VGF: variants seen among roughly 807,000 people sequenced by gnomAD.
VGF encodes VGF nerve growth factor inducible.
In VGF, 13 loss-of-function variants were observed where a neutral mutation model predicts 41.1. That is an observed-to-expected ratio of 0.32 (90% CI 0.21 to 0.50). The LOEUF (loss-of-function observed/expected upper bound fraction) is 0.50, where lower values mean the gene tolerates loss of function less well. VGF is among the 20% of genes least tolerant of loss of function. VGF has a pLI of 0.98. For missense variants in VGF, 920 were observed against 882.1 expected (o/e 1.04, Z -0.54); for synonymous variants, 473 against 418.3 (o/e 1.13, Z -1.60).
chr7:101,166,003 G>T (rs577817698), upstream of VGF, among the ~76,000 whole-genome samples: 1 of 152,336 alleles, frequency 6.6e-6, no homozygotes, highest in Non-Finnish European at 1.5e-5. Context: ...AAAAAGGGTA[G>T]TCCCAGCGTC....
In VGF at chr7:101,163,239, G is replaced by A. The variant is rs921592335; in HGVS notation, c.1605C>T (p.Asp535=). 6.6e-7 allele frequency: 1 copy of A among 1,526,244 alleles called. No individual in the cohort carries two copies. Among genetic ancestry groups the A allele is most frequent in the African/African-American group, 1.4e-5 (1 of 70,194 alleles). The allele number at this position is 1,526,244 out of a possible 1,614,324, so 94.5% of individuals were successfully genotyped here. A position where few individuals can be genotyped will look rare whatever the true frequency, so the allele number is the denominator to read the frequency against. Residue 535 remains aspartate, a synonymous_variant, in exon 2 of 2, where the codon GAC becomes GAT. Coordinates refer to ENST00000249330, the MANE Select transcript of VGF (RefSeq NM_003378.4). This position sits in a 1 kb window ranked among gnomAD's most constrained non-coding sequence, Gnocchi z 5.0. ...EVLPPWDREE[D]EVYPPGPYHP... Reference sequence around the variant, plus strand: ...GGTACGGCCCTGGCGGGTACACCTCGTCCTCCTCCCGATCCCAGGGCGGGA... The same window carrying A: ...GGTACGGCCCTGGCGGGTACACCTCATCCTCCTCCCGATCCCAGGGCGGGA...
upstream of VGF, among the ~76,000 whole-genome samples, chr7:101,166,119 G>A (rs560225336): frequency 1.2e-4 from 19 of 152,360 alleles, no homozygotes; most frequent in East Asian, 2.9e-3. Flanking sequence ...GCCCAAGGAC[G>A]GCGTGAACCT....
At chr7:101,168,006 G>GTTTTTT (rs1797245908), upstream of VGF, among the ~76,000 whole-genome samples, 1 of 128,532 alleles carries the variant, frequency 7.8e-6, no homozygotes, top group Non-Finnish European at 1.6e-5. Flanking sequence ...TGTGTGCTGG[G>GTTTTTT]TTGTTTTTTT....
chr7:101,163,394 T>TCTTCCG lies in VGF; in HGVS notation c.1444_1449dup (p.Arg482_Lys483dup). 1.3e-6 allele frequency: 2 copies of TCTTCCG among 1,599,932 alleles called. No individual in the cohort carries two copies. Among genetic ancestry groups the TCTTCCG allele is most frequent in the Non-Finnish European group, 1.7e-6 (2 of 1,178,706 alleles). ...GGCACGGGCTCGGGAGGGGCGTTCT[T>TCTTCCG]CTTCCGCTTCCGCTTCTCCTCCACC... On this transcript the variant is annotated inframe_insertion, in exon 2 of 2. Coordinates refer to ENST00000249330, the MANE Select transcript of VGF (RefSeq NM_003378.4). The surrounding 1 kb of genome is among the most constrained non-coding windows in gnomAD (Gnocchi z 5.0).
chr7:101,163,717 T>G lies in VGF; in HGVS notation c.1127A>C (p.Glu376Ala). 1 of 1,531,342 alleles carries G rather than the reference T, an allele frequency of 6.5e-7. No individual in the cohort carries two copies. Among genetic ancestry groups the G allele is most frequent in the East Asian group, 2.5e-5 (1 of 40,804 alleles). The allele number at this position is 1,531,342 out of a possible 1,614,324, so 94.9% of individuals were successfully genotyped here. ...EAEQERRGGE[E>A]RVGEEDEEAA... The stretch of plus-strand genomic sequence containing the variant: ...CTCCTCATCCTCTTCCCCCACCCTC[T>G]CCTCCCCGCCGCGTCTCTCCTGCTC... The change falls in exon 2 of 2, where the codon GAG becomes GCG. Residue 376 changes from glutamate (E) to alanine (A), a missense_variant. Physicochemically the swap from Glu to Ala is moderately radical, Grantham distance 107 (BLOSUM62 -1). Coordinates refer to ENST00000249330, the MANE Select transcript of VGF (RefSeq NM_003378.4). This position sits in a 1 kb window ranked among gnomAD's most constrained non-coding sequence, Gnocchi z 5.0.
At chr7:101,169,325 TACAC>T (rs1797270749), upstream of VGF, among the ~76,000 whole-genome samples, 1 of 150,314 alleles carries the variant, frequency 6.7e-6, no homozygotes, top group Non-Finnish European at 1.5e-5. Flanking sequence ...CACACTCAAA[TACAC>T]ACACAGACAC....
chr7:101,164,420 T>C lies in VGF; in HGVS notation c.424A>G (p.Thr142Ala). The C allele has an allele frequency of 6.2e-7, 1 of 1,608,342 alleles. No individual in the cohort carries two copies. Among genetic ancestry groups the C allele is most frequent in the Non-Finnish European group, 8.5e-7 (1 of 1,178,878 alleles). Residue 142 changes from threonine to alanine, a missense_variant, in exon 2 of 2, where the codon ACT becomes GCT. Coordinates refer to ENST00000249330, the MANE Select transcript of VGF (RefSeq NM_003378.4). Reference protein sequence around the residue: ...PEPAAPPRPQTPENGPEASDP... With the variant: ...PEPAAPPRPQAPENGPEASDP... ...CTCGCCTCGGGCCCATTCTCCGGAG[T>C]CTGAGGGCGAGGCGGAGCCGCGGGC...
At chr7:101,169,773 A>C (rs1023311814), upstream of VGF, among the ~76,000 whole-genome samples, 1 of 152,176 alleles carries the variant, frequency 6.6e-6, no homozygotes, top group African/African-American at 2.4e-5. Flanking sequence ...CAGAAAAAAA[A>C]CCACTTGAGG....
upstream of VGF, among the ~76,000 whole-genome samples, chr7:101,167,015 C>T (rs1056985182): frequency 4.6e-5 from 7 of 152,110 alleles, no homozygotes; most frequent in Non-Finnish European, 1.0e-4. This position sits in a 1 kb window ranked among gnomAD's most constrained non-coding sequence, Gnocchi z 4.2. Context: ...CACCCTGAGA[C>T]TCTGGAAACC....
In VGF at chr7:101,163,542, C is replaced by A. The variant is rs150854873; in HGVS notation, c.1302G>T (p.Gly434=). Residue 434 remains glycine, a synonymous_variant, in exon 2 of 2, where the codon GGG becomes GGT. Transcript: ENST00000249330. This position sits in a 1 kb window ranked among gnomAD's most constrained non-coding sequence, Gnocchi z 5.0. ...TPGHRRKEAE[G]TEEGGEEEDD... ...CCTCCTCCTCCCCGCCCTCCTCTGT[C>A]CCCTCGGCCTCCTTCCGCCGGTGGC... 1.9e-6 allele frequency: 3 copies of A among 1,603,654 alleles called. No homozygotes were observed. In the East Asian group the frequency reaches 6.7e-5, roughly 36 times the overall value.
Position 101,164,723 on chromosome 7 carries a change from C to G in VGF, c.121G>C (p.Glu41Gln). 1 of 1,611,102 alleles carries G rather than the reference C, an allele frequency of 6.2e-7. No individual in the cohort carries two copies. Among genetic ancestry groups the G allele is most frequent in the South Asian group, 1.1e-5 (1 of 90,844 alleles). ...QPPPLSSEHK[E>Q]PVAGDAVPGP... Reference sequence around the variant, plus strand: ...GGCACTGCGTCCCCGGCTACCGGCTCTTTATGCTCAGAGCTGAGAGGAGGA... The same window carrying G: ...GGCACTGCGTCCCCGGCTACCGGCTGTTTATGCTCAGAGCTGAGAGGAGGA... Residue 41 changes from glutamate (E) to glutamine (Q), a missense_variant, in exon 2 of 2, where the codon GAG (glutamate) becomes CAG (glutamine). This residue lies in a region of VGF where 654 missense variants were observed against 638.4 expected (regional missense o/e 1.02). Coordinates refer to ENST00000249330, the MANE Select transcript of VGF (RefSeq NM_003378.4).
Position 101,165,389 on chromosome 7 carries a change from C to A in VGF, c.-36G>T, listed in dbSNP as rs1280170250. ...GAGTATTTACCAGCTGGTGTCACGA[C>A]GCGAGAGGTGGAGAGGAGGGTCGGG... On this transcript the variant is annotated 5_prime_UTR_variant, in exon 1 of 2. Coordinates refer to ENST00000249330, the MANE Select transcript of VGF (RefSeq NM_003378.4). 2.0e-6 allele frequency: 2 copies of A among 985,258 alleles called. No individual in the cohort carries two copies. Among genetic ancestry groups the A allele is most frequent in the Non-Finnish European group, 2.4e-6 (2 of 829,970 alleles). 61.0% of individuals were successfully genotyped at this position (985,258 alleles called of 1,614,324 possible).
In VGF at chr7:101,164,110, T is replaced by G. The variant is rs756533014; in HGVS notation, c.734A>C (p.His245Pro). 2.7e-6 allele frequency: 4 copies of G among 1,500,836 alleles called. No individual in the cohort carries two copies. Among genetic ancestry groups the G allele is most frequent in the Non-Finnish European group, 2.6e-6 (3 of 1,132,688 alleles). The allele number at this position is 1,500,836 out of a possible 1,614,324, so 93.0% of individuals were successfully genotyped here. Residue 245 changes from histidine to proline, a missense_variant, in exon 2 of 2, where the codon CAC becomes CCC. Transcript: ENST00000249330. ...GGAGGACACTCCTTCCCCGAACTTG[T>G]GGGTTTCGGGAAGGGGCCCGCTGTC... The part of the protein sequence containing the change: ...MPDSGPLPET[H>P]KFGEGVSSPK...
chr7:101,167,748 C>A (rs1232191637), upstream of VGF, among the ~76,000 whole-genome samples: 1 of 152,012 alleles, frequency 6.6e-6, no homozygotes, highest in Non-Finnish European at 1.5e-5. This position sits in a 1 kb window ranked among gnomAD's most constrained non-coding sequence, Gnocchi z 4.2. Context: ...TGTATGCACA[C>A]ACACCTGCGT....
At position 101,163,811 on chromosome 7, in the gene VGF, C is replaced by T; in HGVS notation, c.1033G>A (p.Gly345Ser). The change falls in exon 2 of 2, where the codon GGC becomes AGC. Residue 345 changes from glycine (G) to serine (S), a missense_variant. Gly to Ser is a moderately conservative substitution (Grantham distance 56, BLOSUM62 0). Around this residue, in one of 3 missense-constraint regions of VGF, gnomAD observed 654 missense variants for 638.4 expected, o/e 1.02. Coordinates refer to ENST00000249330, the MANE Select transcript of VGF (RefSeq NM_003378.4). The surrounding 1 kb of genome is among the most constrained non-coding windows in gnomAD (Gnocchi z 5.0). ...YLLQGGARQR[G>S]LGGRGLQEAA... ...TCCTGCAGCCCCCGACCCCCGAGGC[C>T]GCGCTGCCGGGCCCCGCCCTGCAGC... 1 of 1,533,186 alleles carries T rather than the reference C, an allele frequency of 6.5e-7. No individual in the cohort carries two copies. The highest frequency in any genetic ancestry group is 8.7e-7 in the Non-Finnish European group (1 of 1,144,860). The allele number at this position is 1,533,186 out of a possible 1,614,324, so 95.0% of individuals were successfully genotyped here.
Position 101,163,478 on chromosome 7 carries a change from T to G in VGF, c.1366A>C (p.Ile456Leu), listed in dbSNP as rs1797153018. The G allele has an allele frequency of 6.2e-7, 1 of 1,613,142 alleles. No homozygotes were observed. Among genetic ancestry groups the G allele is most frequent in the Non-Finnish European group, 8.5e-7 (1 of 1,179,918 alleles). ...AGGTGGAGTTTGGTGGACAGCTCAA[T>G]GAGGCTGTCGATCGTCTGCGGATCC... Reference protein sequence around the residue: ...EMDPQTIDSLIELSTKLHLPA... With the variant: ...EMDPQTIDSLLELSTKLHLPA... Residue 456 changes from isoleucine to leucine, a missense_variant, in exon 2 of 2, where the codon ATT (isoleucine) becomes CTT (leucine). Physicochemically the swap from Ile to Leu is conservative, Grantham distance 5. Coordinates refer to ENST00000249330, the MANE Select transcript of VGF (RefSeq NM_003378.4). This position sits in a 1 kb window ranked among gnomAD's most constrained non-coding sequence, Gnocchi z 5.0.
chr7:101,164,002 C>T lies in VGF; in HGVS notation c.842G>A (p.Arg281Gln). The change falls in exon 2 of 2, where the codon CGG (arginine) becomes CAG (glutamine). Residue 281 changes from arginine (R) to glutamine (Q), a missense_variant. Physicochemically the swap from Arg to Gln is conservative, Grantham distance 43 (BLOSUM62 1). Coordinates refer to ENST00000249330, the MANE Select transcript of VGF (RefSeq NM_003378.4). Reference protein sequence around the residue: ...GVAAPFPKARRPESALLGGSE... With the variant: ...GVAAPFPKARQPESALLGGSE... ...GCCGCCCAGGAGTGCGCTCTCCGGC[C>T]GGCGCGCCTTGGGGAACGGGGCGGC... The T allele has an allele frequency of 6.8e-7, 1 of 1,471,326 alleles. No homozygotes were observed. Among genetic ancestry groups the T allele is most frequent in the Non-Finnish European group, 8.9e-7 (1 of 1,124,870 alleles). 91.1% of individuals were successfully genotyped at this position (1,471,326 alleles called of 1,614,324 possible).
upstream of VGF, among the ~76,000 whole-genome samples, chr7:101,166,714 T>C (rs1387227221): frequency 7.6e-6 from 1 of 131,076 alleles, no homozygotes; most frequent in African/African-American, 2.9e-5. Context: ...CGCACAGATT[T>C]GCGCAAAGAG....
chr7:101,163,100 G>C lies in VGF; in HGVS notation c.1744C>G (p.Gln582Glu). 6.4e-7 allele frequency: 1 copy of C among 1,574,228 alleles called. No individual in the cohort carries two copies. Among genetic ancestry groups the C allele is most frequent in the Non-Finnish European group, 8.6e-7 (1 of 1,163,468 alleles). Residue 582 changes from glutamine (Q) to glutamate (E), a missense_variant, in exon 2 of 2, where the codon CAG becomes GAG. Physicochemically the swap from Gln to Glu is conservative, Grantham distance 29 (BLOSUM62 2). Around this residue, in one of 3 missense-constraint regions of VGF, gnomAD observed 257 missense variants for 217.2 expected, o/e 1.18. Coordinates refer to ENST00000249330, the MANE Select transcript of VGF (RefSeq NM_003378.4). The surrounding 1 kb of genome is among the most constrained non-coding windows in gnomAD (Gnocchi z 5.0). ...GCCTCCTCCTGCGCGCGCCGCGCCTGGGCCTCCCGGCCGGGATAGTGGCGC... is the reference window on the plus strand; with the variant it reads ...GCCTCCTCCTGCGCGCGCCGCGCCTCGGCCTCCCGGCCGGGATAGTGGCGC... ...PSRHYPGREA[Q>E]ARRAQEEAEA... is the part of the protein sequence containing the mutation.
Sources: gnomAD v4.1 joint callset for allele counts (sites outside exome capture counted in the v4.1 genomes callset) on GRCh38, gnomAD v4.1.1 for gene constraint, gnomAD v4.1.1 regional missense constraint, Gnocchi (gnomAD v3.1) non-coding constraint, MANE v1.5 for transcripts, NCBI Gene and HGNC (gene_info 2026-07-23, HGNC 2026-07-21) for gene names.